ITCH: variants seen among roughly 807,000 people sequenced by gnomAD.
ITCH encodes the protein E3 ubiquitin-protein ligase Itchy homolog.
A neutral mutation model predicts 126.8 loss-of-function variants in ITCH; 28 were observed. The observed-to-expected ratio is 0.22, with a 90% CI of 0.16 to 0.30. ITCH has a LOEUF of 0.30. ITCH is among the 10% of genes least tolerant of loss of function. The pLI, the probability that ITCH is intolerant of heterozygous loss-of-function variation, is 1.00. For synonymous variants in ITCH, 342 were observed against 340.0 expected, an observed-to-expected ratio of 1.01 and a Z score of -0.06; for missense variants, 631 against 1,032.4, an observed-to-expected ratio of 0.61 and a Z score of 5.33.
At chr20:34,384,016 G>A (rs1036457619) in intron 2 of ITCH, 1 of 151,048 alleles carries the variant, frequency 6.6e-6, no homozygotes, top group African/African-American at 2.4e-5. Context: ...GGCTAATTTT[G>A]TATTTATAGT....
rs528483146 is a variant in ITCH, at chr20:34,479,128, T to C, written c.1659-502T>C. 3.3e-5 allele frequency among the ~76,000 whole-genome samples: 5 copies of C among 152,306 alleles called. No individual in the cohort carries two copies. The East Asian group carries it at 7.7e-4, about 23-fold the overall frequency. On this transcript the variant is annotated intron_variant, in intron 17 of 24. Transcript: ENST00000374864. ...TAAGAACTTTACTGCCTCTGTGAAA[T>C]TGGAAGAATTTTCATATTGATTTAA...
intron 16 of ITCH, chr20:34,476,350 C>A (rs542608704): frequency 6.8e-6 from 9 of 1,330,144 alleles, no homozygotes; most frequent in Non-Finnish European, 1.0e-6. Flanking sequence ...CCGGCCCGGT[C>A]CCCGGCTCCT....
At chr20:34,374,176 G>C (rs2037748583) in intron 2 of ITCH, among the ~76,000 whole-genome samples, 1 of 152,060 alleles carries the variant, frequency 6.6e-6, no homozygotes, top group Non-Finnish European at 1.5e-5. Flanking sequence ...ACTTTGATTT[G>C]CTTGTTAGGC....
intron 5 of ITCH, 72 bp downstream of exon 5, chr20:34,412,711 T>C: frequency 1.6e-6 from 2 of 1,271,452 alleles, no homozygotes; most frequent in Non-Finnish European, 2.3e-6. Context: ...ATGTCAAACA[T>C]GCATAATGAC....
chr20:34,503,853 GTTTTT>G (rs776389533), intron 23 of ITCH, among the ~76,000 whole-genome samples: 2 of 86,200 alleles, frequency 2.3e-5, no homozygotes. Context: ...GGTTTTTTGG[GTTTTT>G]TTTTTTTTTT....
chr20:34,422,539 C>A (rs1382846094), intron 6 of ITCH, among the ~76,000 whole-genome samples: 2 of 149,696 alleles, frequency 1.3e-5, no homozygotes, highest in Non-Finnish European at 3.0e-5. Flanking sequence ...CTGAAATTTA[C>A]CCTTTATAGC....
chr20:34,400,706 C>T (rs749419901), intron 3 of ITCH, among the ~76,000 whole-genome samples: 1 of 131,714 alleles, frequency 7.6e-6, no homozygotes, highest in Non-Finnish European at 1.5e-5. Context: ...AGTGCAGTGG[C>T]GCGATCTCAG....
chr20:34,404,828 T>C (rs997350757), intron 3 of ITCH, among the ~76,000 whole-genome samples: 12 of 152,084 alleles, frequency 7.9e-5, no homozygotes, highest in African/African-American at 2.7e-4. Flanking sequence ...TTGGTGCTCC[T>C]CCACCCCCAT....
intron 20 of ITCH, among the ~76,000 whole-genome samples, chr20:34,487,418 A>G (rs942573751): frequency 3.3e-5 from 5 of 151,914 alleles, no homozygotes; most frequent in Non-Finnish European, 7.4e-5. Flanking sequence ...AACCATTGCT[A>G]TTTGTTTTGC....
At chr20:34,449,511 T>A in intron 12 of ITCH, 31 bp downstream of exon 12, 1 of 1,383,904 alleles carries the variant, frequency 7.2e-7, no homozygotes, top group Non-Finnish European at 1.0e-6. Context: ...CATGGAGTTC[T>A]GTCATTTCAT....
chr20:34,372,035 G>A (rs943676685), intron 2 of ITCH, among the ~76,000 whole-genome samples: 6 of 151,952 alleles, frequency 3.9e-5, no homozygotes, highest in African/African-American at 9.7e-5. Context: ...GGCCGGCCGC[G>A]GTGGCTCATC....
intron 7 of ITCH, among the ~76,000 whole-genome samples, chr20:34,437,566 CA>C (rs1245941787): frequency 1.4e-4 from 21 of 152,332 alleles, no homozygotes; most frequent in African/African-American, 4.8e-4. Flanking sequence ...CTCAGCTTCC[CA>C]AAGTGCTGCA....
chr20:34,422,987 G>C (rs1391303737), intron 6 of ITCH, among the ~76,000 whole-genome samples: 1 of 152,168 alleles, frequency 6.6e-6, no homozygotes, highest in Non-Finnish European at 1.5e-5. Context: ...TAGAGATGAA[G>C]TTTCGCCATG....
At chr20:34,496,803 CAAAAAAA>C (rs60619641) in intron 23 of ITCH, among the ~76,000 whole-genome samples, 1 of 99,412 alleles carries the variant, frequency 1.0e-5, no homozygotes, top group East Asian at 2.9e-4. Flanking sequence ...CACTCCATCT[CAAAAAAA>C]AAAAAAAAAA....
At chr20:34,406,225 C>T (rs2039054161) in intron 3 of ITCH, among the ~76,000 whole-genome samples, 2 of 151,834 alleles carry the variant, frequency 1.3e-5, no homozygotes, top group South Asian at 4.2e-4. Flanking sequence ...ACGGGGGTCT[C>T]ACTATGTTGA....
intron 2 of ITCH, among the ~76,000 whole-genome samples, chr20:34,371,760 G>GT (rs1212157319): frequency 1.3e-5 from 2 of 152,116 alleles, no homozygotes; most frequent in Non-Finnish European, 2.9e-5. Flanking sequence ...TTGTGGAAAG[G>GT]TATTTGAGCC....
chr20:34,371,186 A>AAAAAC (rs2037614209), intron 2 of ITCH, among the ~76,000 whole-genome samples: 1 of 151,014 alleles, frequency 6.6e-6, no homozygotes, highest in African/African-American at 2.4e-5. Flanking sequence ...AAAAAAAAAA[A>AAAAAC]CTGAATAGGA....
intron 22 of ITCH, among the ~76,000 whole-genome samples, chr20:34,490,832 G>A (rs2146513281): frequency 6.6e-6 from 1 of 152,186 alleles, no homozygotes; most frequent in East Asian, 1.9e-4. Context: ...CCAATCCTTG[G>A]TATACAGCCC....
chr20:34,438,819 C>T (rs1198255964), intron 8 of ITCH, among the ~76,000 whole-genome samples, 188 bp downstream of exon 8: 1 of 152,086 alleles, frequency 6.6e-6, no homozygotes, highest in Non-Finnish European at 1.5e-5. Flanking sequence ...TTCAAGGTGA[C>T]GTTACTGAGG....
Sources: gnomAD v4.1 joint callset for allele counts (sites outside exome capture counted in the v4.1 genomes callset) on GRCh38, gnomAD v4.1.1 for gene constraint, MANE v1.5 for transcripts, NCBI Gene and HGNC (gene_info 2026-07-23, HGNC 2026-07-21) for gene names.